Variants in NRG1 observed in about 807,000 individuals in gnomAD.
The protein encoded by NRG1 is pro-neuregulin-1, membrane-bound isoform.
NRG1 carries 18 observed loss-of-function variants against 63.8 expected under a neutral mutation model. That is an observed-to-expected ratio of 0.28 (90% CI 0.19 to 0.42). The LOEUF (loss-of-function observed/expected upper bound fraction) is 0.42, where lower values mean the gene tolerates loss of function less well. NRG1 is among the 10% of genes least tolerant of loss of function. The probability of loss-of-function intolerance (pLI) is 1.00; values close to 1 mark genes in which losing one functional copy is unlikely to be tolerated. For missense variants in NRG1, 762 were observed against 814.7 expected (o/e 0.94, Z 0.79); for synonymous variants, 302 against 301.3 (o/e 1.00, Z -0.02).
intron 1 of NRG1, among the ~76,000 whole-genome samples, chr8:31,938,602 T>G (rs559440469): frequency 1.6e-4 from 25 of 152,264 alleles, no homozygotes; most frequent in Non-Finnish European, 3.2e-4. Context: ...GGTTGGTTAT[T>G]AAGCTCATCA....
At chr8:32,636,380 C>T (rs1851345076) in intron 5 of NRG1, among the ~76,000 whole-genome samples, 1 of 152,126 alleles carries the variant, frequency 6.6e-6, no homozygotes, top group South Asian at 2.1e-4. Flanking sequence ...CTGCATCATA[C>T]ATATTTAATA....
upstream of NRG1, among the ~76,000 whole-genome samples, chr8:32,545,959 G>A (rs1353791232): frequency 2.0e-5 from 3 of 151,894 alleles, no homozygotes; most frequent in Admixed American, 6.6e-5. Context: ...TCAAACCAAG[G>A]AAAAACAATT....
intron 1 of NRG1, among the ~76,000 whole-genome samples, chr8:32,173,388 G>A (rs1840303805): frequency 6.6e-6 from 1 of 152,148 alleles, no homozygotes; most frequent in Admixed American, 6.6e-5. Flanking sequence ...GCAAAAACAT[G>A]CCAAATTGTA....
At chr8:32,354,221 T>C (rs933257360) in intron 1 of NRG1, among the ~76,000 whole-genome samples, 1 of 151,792 alleles carries the variant, frequency 6.6e-6, no homozygotes, top group Non-Finnish European at 1.5e-5. Flanking sequence ...ATACAAAAAT[T>C]AGCCAGGCGT....
At chr8:32,253,095 G>T (rs552716519) in intron 1 of NRG1, among the ~76,000 whole-genome samples, 13 of 152,126 alleles carry the variant, frequency 8.5e-5, no homozygotes, top group Non-Finnish European at 1.5e-4. Context: ...GAGATTTTGG[G>T]CTGAGAAGAT....
intron 1 of NRG1, among the ~76,000 whole-genome samples, chr8:32,002,077 G>C (rs1813022649): frequency 1.3e-5 from 2 of 152,022 alleles, no homozygotes; most frequent in African/African-American, 4.8e-5. Context: ...ATGCTGGAGT[G>C]CAGTAGCACG....
intron 1 of NRG1, among the ~76,000 whole-genome samples, chr8:32,323,295 T>G (rs1025605145): frequency 3.9e-5 from 6 of 152,230 alleles, no homozygotes; most frequent in African/African-American, 1.4e-4. Context: ...CTTAGTTATG[T>G]GCATTTTGGT....
intron 1 of NRG1, among the ~76,000 whole-genome samples, chr8:31,801,358 G>T (rs1243234715): frequency 6.6e-6 from 1 of 152,082 alleles, no homozygotes; most frequent in East Asian, 1.9e-4. Flanking sequence ...CGTCTTTCTT[G>T]TGTATTGGCT....
intron 3 of NRG1, among the ~76,000 whole-genome samples, chr8:32,612,752 T>C (rs1298256342): frequency 6.6e-6 from 1 of 152,030 alleles, no homozygotes; most frequent in Non-Finnish European, 1.5e-5. Flanking sequence ...AGTCTTGATA[T>C]CCGAATTGGG....
At chr8:32,451,651 A>G (rs1202214792) in intron 1 of NRG1, among the ~76,000 whole-genome samples, 1 of 151,458 alleles carries the variant, frequency 6.6e-6, no homozygotes, top group African/African-American at 2.4e-5. Flanking sequence ...GCTGATAGCA[A>G]CTCTTTGCTT....
At chr8:31,907,944 C>T (rs541291460) in intron 1 of NRG1, among the ~76,000 whole-genome samples, 2 of 152,216 alleles carry the variant, frequency 1.3e-5, no homozygotes, top group African/African-American at 4.8e-5. Flanking sequence ...AAGTTCTCAA[C>T]TAATGTCTGT....
chr8:31,729,033 T>G (rs1449139779), intron 1 of NRG1, among the ~76,000 whole-genome samples: 1 of 152,144 alleles, frequency 6.6e-6, no homozygotes, highest in African/African-American at 2.4e-5. Flanking sequence ...ACGTTTTCAT[T>G]TACAAAAAGA....
intron 1 of NRG1, among the ~76,000 whole-genome samples, chr8:32,071,950 G>A (rs1423939011): frequency 6.6e-6 from 1 of 152,196 alleles, no homozygotes; most frequent in African/African-American, 2.4e-5. Context: ...CGAAGTGTAT[G>A]AGGACATTGC....
intron 1 of NRG1, among the ~76,000 whole-genome samples, chr8:31,809,877 T>C (rs1189247087): frequency 6.6e-6 from 1 of 151,308 alleles, no homozygotes; most frequent in Admixed American, 6.6e-5. Context: ...CCTCATCTAG[T>C]ACCTCTGCCT....
chr8:32,006,325 A>G (rs1343234605), intron 1 of NRG1, among the ~76,000 whole-genome samples: 2 of 152,054 alleles, frequency 1.3e-5, no homozygotes, highest in South Asian at 2.1e-4. Context: ...CAGAAAGAGT[A>G]TGACTAAAAC....
At chr8:32,588,031 C>A (rs1841928070) in intron 1 of NRG1, among the ~76,000 whole-genome samples, 1 of 152,110 alleles carries the variant, frequency 6.6e-6, no homozygotes, top group South Asian at 2.1e-4. Flanking sequence ...AAATGATTCT[C>A]GTGCCTCGGC....
chr8:31,882,215 T>C (rs1810590060), intron 1 of NRG1, among the ~76,000 whole-genome samples: 1 of 151,384 alleles, frequency 6.6e-6, no homozygotes, highest in Non-Finnish European at 1.5e-5. Flanking sequence ...ATATTAAATC[T>C]ATCCTGCCTG....
At chr8:31,669,316 C>T (rs996745111) in intron 1 of NRG1, among the ~76,000 whole-genome samples, 2 of 151,940 alleles carry the variant, frequency 1.3e-5, no homozygotes, top group African/African-American at 4.8e-5. Flanking sequence ...TGGCTCACTG[C>T]AACCTCCACC....
At chr8:31,949,597 C>T (rs548850636) in intron 1 of NRG1, among the ~76,000 whole-genome samples, 1 of 152,306 alleles carries the variant, frequency 6.6e-6, no homozygotes, top group East Asian at 1.9e-4. Context: ...CCTCTGGAAT[C>T]ATGAGCTGCT....
Sources: gnomAD v4.1 joint callset for allele counts (sites outside exome capture counted in the v4.1 genomes callset) on GRCh38, gnomAD v4.1.1 for gene constraint, MANE v1.5 for transcripts, NCBI Gene and HGNC (gene_info 2026-07-23, HGNC 2026-07-21) for gene names.